ENTREP3: variants seen among roughly 807,000 people sequenced by gnomAD.
ENTREP3 encodes the protein endosomal transmembrane epsin interactor 3, also known as protein ENTREP3.
At chr1:155,254,140 A>T in the ENTREP3 span, 2 of 1,614,016 alleles carry the variant, frequency 1.2e-6, no homozygotes, top group Admixed American at 3.3e-5. The surrounding 1 kb of genome is among the most constrained non-coding windows in gnomAD (Gnocchi z 4.4). Context: ...GAGAGAACAG[A>T]GCCAGCCATG....
At chr1:155,251,136 T>C in the ENTREP3 span, 1 of 1,612,084 alleles carries the variant, frequency 6.2e-7, no homozygotes, top group African/African-American at 1.3e-5. Context: ...GCACGAGCCA[T>C]CGTGAAGCTG....
the ENTREP3 span, chr1:155,250,128 C>A: frequency 1.6e-6 from 1 of 626,894 alleles, no homozygotes; most frequent in Non-Finnish European, 2.6e-6. The surrounding 1 kb of genome is among the most constrained non-coding windows in gnomAD (Gnocchi z 5.4). Context: ...GAGGTGAGTA[C>A]CTGAGAAGTG....
chr1:155,253,470 A>G, the ENTREP3 span: 1 of 604,788 alleles, frequency 1.7e-6, no homozygotes, highest in South Asian at 2.1e-5. Context: ...TCCCCACTAA[A>G]CATCCATTCC....
At chr1:155,250,680 C>A in the ENTREP3 span, 1 of 1,612,492 alleles carries the variant, frequency 6.2e-7, no homozygotes, top group Non-Finnish European at 8.5e-7. The surrounding 1 kb of genome is among the most constrained non-coding windows in gnomAD (Gnocchi z 5.4). Flanking sequence ...GGCACGGCTG[C>A]GCTGGATGGA....
chr1:155,254,988 C>T, the ENTREP3 span: 3 of 852,530 alleles, frequency 3.5e-6, no homozygotes, highest in East Asian at 2.7e-5. This position sits in a 1 kb window ranked among gnomAD's most constrained non-coding sequence, Gnocchi z 4.4. Flanking sequence ...CGCTCTAGAG[C>T]CCACCCCCTG....
the ENTREP3 span, chr1:155,254,469 T>G: frequency 6.2e-7 from 1 of 1,613,746 alleles, no homozygotes; most frequent in East Asian, 2.2e-5. This position sits in a 1 kb window ranked among gnomAD's most constrained non-coding sequence, Gnocchi z 4.4. Context: ...GGGGACAGAG[T>G]GGGCACAGGC....
chr1:155,252,118 T>C, the ENTREP3 span: 60 of 453,692 alleles, frequency 1.3e-4, 1 homozygote, highest in South Asian at 2.3e-3. Context: ...CACAAATTCC[T>C]CTTTATGGCC....
the ENTREP3 span, chr1:155,251,057 GC>G: frequency 1.3e-6 from 2 of 1,577,460 alleles, no homozygotes; most frequent in East Asian, 4.5e-5. Context: ...ATCCCTGGCA[GC>G]CCCGCCCTTG....
the ENTREP3 span, chr1:155,250,537 T>TG: frequency 6.4e-7 from 1 of 1,556,318 alleles, no homozygotes; most frequent in Non-Finnish European, 8.7e-7. This position sits in a 1 kb window ranked among gnomAD's most constrained non-coding sequence, Gnocchi z 5.4. Flanking sequence ...CGGGCAGCTG[T>TG]GGGGGCACCC....
chr1:155,250,216 G>T, the ENTREP3 span: 1 of 1,438,446 alleles, frequency 7.0e-7, no homozygotes, highest in African/African-American at 1.5e-5. This position sits in a 1 kb window ranked among gnomAD's most constrained non-coding sequence, Gnocchi z 5.4. Flanking sequence ...GGCATCACTG[G>T]CCACCTAACT....
the ENTREP3 span, among the ~76,000 whole-genome samples, chr1:155,249,143 AG>A: frequency 7.4e-4 from 112 of 152,000 alleles, no homozygotes; most frequent in African/African-American, 2.7e-3. Flanking sequence ...GCTGGAGTGC[AG>A]TGGCATGATC....
the ENTREP3 span, chr1:155,252,688 G>GTA: frequency 2.1e-5 from 1 of 47,196 alleles, no homozygotes; most frequent in African/African-American, 1.5e-4. Flanking sequence ...GTAATTTTGT[G>GTA]TGTATATATA....
the ENTREP3 span, chr1:155,250,980 C>T: frequency 3.2e-5 from 40 of 1,257,610 alleles, no homozygotes; most frequent in Non-Finnish European, 4.5e-5. This position sits in a 1 kb window ranked among gnomAD's most constrained non-coding sequence, Gnocchi z 5.4. Flanking sequence ...TGCCACAGCC[C>T]TCCTATGTCC....
At chr1:155,248,686 G>C in the ENTREP3 span, among the ~76,000 whole-genome samples, 1 of 150,184 alleles carries the variant, frequency 6.7e-6, no homozygotes, top group Non-Finnish European at 1.5e-5. Flanking sequence ...AGCACCTGGC[G>C]CACAGTGCTG....
At chr1:155,254,317 G>A in the ENTREP3 span, 3 of 1,543,606 alleles carry the variant, frequency 1.9e-6, no homozygotes, top group Admixed American at 3.3e-5. The surrounding 1 kb of genome is among the most constrained non-coding windows in gnomAD (Gnocchi z 4.4). Flanking sequence ...TGGGGAGCCA[G>A]TTCCCTTCTT....
At chr1:155,249,884 T>TA in the ENTREP3 span, among the ~76,000 whole-genome samples, 14 of 116,816 alleles carry the variant, frequency 1.2e-4, 1 homozygote, top group East Asian at 1.6e-3. Flanking sequence ...AGACACCGTC[T>TA]CAAAAAAAAA....
chr1:155,247,666 G>T, the ENTREP3 span: 1 of 981,076 alleles, frequency 1.0e-6, no homozygotes, highest in Non-Finnish European at 1.5e-6. Context: ...GACACTTTGG[G>T]GGGTATACAG....
chr1:155,255,023 A>AG, the ENTREP3 span: 1 of 647,004 alleles, frequency 1.5e-6, no homozygotes, highest in Non-Finnish European at 2.6e-6. This position sits in a 1 kb window ranked among gnomAD's most constrained non-coding sequence, Gnocchi z 5.6. Flanking sequence ...GGCATGGCCG[A>AG]GGGACGCCAG....
chr1:155,255,354 G>A, the ENTREP3 span: 3 of 162,142 alleles, frequency 1.9e-5, no homozygotes, highest in Non-Finnish European at 2.7e-5. This position sits in a 1 kb window ranked among gnomAD's most constrained non-coding sequence, Gnocchi z 5.6. Flanking sequence ...TAGGATCCGG[G>A]GCCGCCTGGT....
Sources: allele counts gnomAD v4.1 joint callset (sites outside exome capture counted in the v4.1 genomes callset), GRCh38; gene constraint gnomAD v4.1.1; non-coding constraint Gnocchi (gnomAD v3.1); transcripts MANE v1.5; gene names NCBI Gene and HGNC (gene_info 2026-07-23, HGNC 2026-07-21).